Variants in ZNF718 observed in about 807,000 individuals in gnomAD.
The protein encoded by ZNF718 is zinc finger protein 718.
ZNF718 carries 3 observed loss-of-function variants against 2.6 expected under a neutral mutation model. The observed-to-expected ratio is 1.16, with a 90% CI of 0.53 to 3.01. The LOEUF (loss-of-function observed/expected upper bound fraction) is 3.01, where lower values mean the gene tolerates loss of function less well. ZNF718 is among the 30% of genes most tolerant of loss of function. The pLI is 0.03. For synonymous variants in ZNF718, 135 were observed against 77.9 expected (o/e 1.73, Z -3.86); for missense variants, 468 against 230.0 (o/e 2.03, Z -6.69).
At chr4:176,679 C>T (rs996697808) in intron 3 of ZNF718, among the ~76,000 whole-genome samples, 2 of 152,170 alleles carry the variant, frequency 1.3e-5, no homozygotes, top group Non-Finnish European at 2.9e-5. Context: ...CAATCCAACC[C>T]ATGGTATCAA....
At chr4:142,727 G>A (rs1363723110) in intron 3 of ZNF718, among the ~76,000 whole-genome samples, 1 of 152,230 alleles carries the variant, frequency 6.6e-6, no homozygotes, top group African/African-American at 2.4e-5. Flanking sequence ...TACCTGTGCA[G>A]CTGCTGGCAC....
At chr4:183,480 T>G (rs2108813992) in intron 3 of ZNF718, among the ~76,000 whole-genome samples, 1 of 152,324 alleles carries the variant, frequency 6.6e-6, no homozygotes, top group East Asian at 1.9e-4. Context: ...CTTGGCTATT[T>G]GGACTCTTTT....
intron 3 of ZNF718, among the ~76,000 whole-genome samples, chr4:184,764 GTTTA>G (rs1397690356): frequency 1.3e-5 from 2 of 152,056 alleles, no homozygotes; most frequent in African/African-American, 4.8e-5. Flanking sequence ...CCAGGAATGT[GTTTA>G]TTTATTCTAG....
At chr4:151,067 G>C (rs1716296493) in intron 3 of ZNF718, among the ~76,000 whole-genome samples, 1 of 151,944 alleles carries the variant, frequency 6.6e-6, no homozygotes, top group Non-Finnish European at 1.5e-5. Flanking sequence ...TTTCTATACA[G>C]TCTCACTAAC....
intron 3 of ZNF718, among the ~76,000 whole-genome samples, chr4:200,469 A>G (rs1553822609): frequency 1.3e-5 from 2 of 152,088 alleles, no homozygotes; most frequent in South Asian, 2.1e-4. Context: ...GGGTTTCACC[A>G]TGTTGGCCAG....
intron 3 of ZNF718, among the ~76,000 whole-genome samples, chr4:151,515 T>A (rs1363281046): frequency 2.7e-5 from 4 of 150,474 alleles, no homozygotes; most frequent in Admixed American, 1.3e-4. Context: ...AGTTTTGCTC[T>A]GATTGCCCAG....
intron 3 of ZNF718, among the ~76,000 whole-genome samples, chr4:146,488 G>A (rs1716071326): frequency 6.6e-6 from 1 of 151,924 alleles, no homozygotes; most frequent in African/African-American, 2.4e-5. Flanking sequence ...ATTTTTGGCA[G>A]TTTAATTATA....
intron 3 of ZNF718, among the ~76,000 whole-genome samples, chr4:152,134 G>C (rs1320461798): frequency 2.0e-5 from 3 of 148,636 alleles, no homozygotes; most frequent in African/African-American, 7.4e-5. Context: ...GCCTTAAGGC[G>C]GTTTTTCCCT....
Position 186,383 on chromosome 4 carries a change from T to A in ZNF718, c.227-14698T>A, listed in dbSNP as rs191749042. On this transcript the variant is annotated intron_variant and NMD_transcript_variant, in intron 3 of 4. Coordinates refer to the ZNF718 transcript ENST00000642529. Reference sequence around the variant, plus strand: ...AGTCTGATGGGCTTCTGTTTGTAGGTGGCCTGACCATTCTCTCTGGCTGCC... The same window carrying A: ...AGTCTGATGGGCTTCTGTTTGTAGGAGGCCTGACCATTCTCTCTGGCTGCC... 1.8e-3 allele frequency among the ~76,000 whole-genome samples: 277 copies of A among 152,276 alleles called. 2 individuals carry two copies. The highest frequency in any genetic ancestry group is 5.9e-3 in the African/African-American group (247 of 41,568).
rs1402599257 is a variant in ZNF718 at position 127,225 on chromosome 4, TCTC to T, written c.3+2553_3+2555del. Among the ~76,000 whole-genome samples the T allele has an allele frequency of 9.6e-5, 10 of 104,540 alleles. 5 individuals carry two copies. The East Asian group carries it at 5.3e-3, about 56-fold the overall frequency. 68.6% of individuals were successfully genotyped at this position (104,540 alleles called of 152,430 possible). On this transcript the variant is annotated intron_variant, in intron 1 of 3. Transcript: ENST00000510175. ...CTTCACTTGAGAGAAAAACCTTTCT[TCTC>T]AGGATTCCAGCCACAACCCACAATT...
intron 3 of ZNF718, among the ~76,000 whole-genome samples, chr4:151,577 T>G (rs1716325118): frequency 6.6e-6 from 1 of 151,936 alleles, no homozygotes; most frequent in Non-Finnish European, 1.5e-5. Context: ...GCCTCCCAGG[T>G]TCAAGTGATT....
chr4:171,700 G>GT (rs1483836722), intron 3 of ZNF718, among the ~76,000 whole-genome samples: 1 of 152,174 alleles, frequency 6.6e-6, no homozygotes, highest in Admixed American at 6.5e-5. Flanking sequence ...GAAAAGCGTA[G>GT]TATTAGGGTG....
At chr4:168,579 G>T (rs1434743351), downstream of ZNF718, among the ~76,000 whole-genome samples, 2 of 152,118 alleles carry the variant, frequency 1.3e-5, no homozygotes, top group Admixed American at 1.3e-4. Flanking sequence ...GTTTAGTCTT[G>T]GGAGGGTGTC....
downstream of ZNF718, among the ~76,000 whole-genome samples, chr4:168,340 G>C (rs1204573976): frequency 1.3e-5 from 2 of 152,052 alleles, no homozygotes; most frequent in Admixed American, 6.6e-5. Context: ...GCCAGGCTTT[G>C]GTATCAGGAT....
intron 3 of ZNF718, among the ~76,000 whole-genome samples, chr4:149,045 T>C (rs1447189563): frequency 6.6e-6 from 1 of 152,192 alleles, no homozygotes; most frequent in Non-Finnish European, 1.5e-5. Context: ...AAAGGTTCTT[T>C]TGTCAGGGCA....
At chr4:185,600 A>C (rs1717551825) in intron 3 of ZNF718, among the ~76,000 whole-genome samples, 1 of 152,156 alleles carries the variant, frequency 6.6e-6, no homozygotes, top group Admixed American at 6.5e-5. Context: ...TGGCTTGTTA[A>C]AGTACCCCAC....
intron 3 of ZNF718, among the ~76,000 whole-genome samples, chr4:194,106 A>G (rs558635123): frequency 4.1e-4 from 62 of 152,178 alleles, no homozygotes; most frequent in African/African-American, 1.5e-3. Context: ...GATCTCTATT[A>G]TAAAAAACCA....
intron 3 of ZNF718, among the ~76,000 whole-genome samples, chr4:172,455 A>G (rs1275090628): frequency 6.6e-6 from 1 of 152,244 alleles, no homozygotes; most frequent in Non-Finnish European, 1.5e-5. Context: ...TTTATTAATC[A>G]TAGCTAATTT....
chr4:145,559 C>G (rs1716012571), intron 3 of ZNF718, among the ~76,000 whole-genome samples: 1 of 152,112 alleles, frequency 6.6e-6, no homozygotes, highest in Admixed American at 6.6e-5. Flanking sequence ...CCTCCCCAGG[C>G]TCAAGCAATC....
Sources: gnomAD v4.1 joint callset for allele counts (sites outside exome capture counted in the v4.1 genomes callset) on GRCh38, gnomAD v4.1.1 for gene constraint, MANE v1.5 for transcripts, NCBI Gene and HGNC (gene_info 2026-07-23, HGNC 2026-07-21) for gene names.